The following TMEM176B variants were observed in gnomAD, a reference collection of about 807,000 sequenced individuals.
TMEM176B encodes the protein LR8-like protein.
In TMEM176B, 28 loss-of-function variants were observed where a neutral mutation model predicts 30.3. That is an observed-to-expected ratio of 0.92 (90% CI 0.68 to 1.27). The LOEUF (loss-of-function observed/expected upper bound fraction) is 1.27, where lower values mean the gene tolerates loss of function less well. Among genes scored for constraint, TMEM176B ranks in the 50% most tolerant of loss-of-function variants. The probability of loss-of-function intolerance (pLI) is 0.00; values close to 1 mark genes in which losing one functional copy is unlikely to be tolerated. For synonymous variants in TMEM176B, 123 were observed against 130.3 expected, an observed-to-expected ratio of 0.94 and a Z score of 0.38; for missense variants, 349 against 327.4, an observed-to-expected ratio of 1.07 and a Z score of -0.51.
At chr7:150,794,907 C>CCACA (rs3220239) in intron 2 of TMEM176B, among the ~76,000 whole-genome samples, 9,055 of 141,522 alleles carry the variant, frequency 0.064, 375 homozygotes, top group Admixed American at 0.12. Flanking sequence ...TCCCCTACTA[C>CCACA]CACACACACA....
At chr7:150,796,161 T>C (rs1033132436) in intron 2 of TMEM176B, among the ~76,000 whole-genome samples, 2 of 152,192 alleles carry the variant, frequency 1.3e-5, no homozygotes, top group Non-Finnish European at 2.9e-5. Context: ...AAGGGCAATA[T>C]GTAACATTTC....
intron 5 of TMEM176B, among the ~76,000 whole-genome samples, chr7:150,792,778 C>G (rs1054355625): frequency 3.3e-5 from 5 of 152,226 alleles, no homozygotes; most frequent in African/African-American, 1.2e-4. Context: ...TTTTAAGCCA[C>G]TACATTTTGG....
chr7:150,798,421 G>T (rs374418588), intron 1 of TMEM176B, among the ~76,000 whole-genome samples: 1 of 151,944 alleles, frequency 6.6e-6, no homozygotes, highest in Non-Finnish European at 1.5e-5. Context: ...AACTACAGGC[G>T]CCCGCCATCA....
In TMEM176B at chr7:150,793,997, C is replaced by T. The variant is rs774621749; in HGVS notation, c.279G>A (p.Leu93=). The stretch of plus-strand genomic sequence containing the variant: ...CCCAGAAGGCACAGCCTGAGGCACT[C>T]AGCACAGTCCAGGGCCCCAAGCTGA... ...VCLSLGPWTV[L]SASGCAFWAG... The change falls in exon 3 of 7, where the codon CTG becomes CTA. Residue 93 remains leucine, a synonymous_variant. Transcript: ENST00000326442. 4.3e-6 allele frequency: 7 copies of T among 1,613,630 alleles called. No individual in the cohort carries two copies. In the African/African-American group the frequency reaches 8.0e-5, roughly 18 times the overall value.
chr7:150,791,463 G>T lies in TMEM176B; in HGVS notation c.*68C>A. 2.9e-6 allele frequency: 4 copies of T among 1,363,560 alleles called. No individual in the cohort carries two copies. The South Asian group carries it at 4.8e-5, about 16-fold the overall frequency. The allele number at this position is 1,363,560 out of a possible 1,614,324, so 84.5% of individuals were successfully genotyped here. Reference sequence around the variant, plus strand: ...GCCATAGGGGAGGCAAGTGTGAGGAGCCAGGAGTGGGGGCCCTGGGCTGCC... The same window carrying T: ...GCCATAGGGGAGGCAAGTGTGAGGATCCAGGAGTGGGGGCCCTGGGCTGCC... On this transcript the variant is annotated 3_prime_UTR_variant, in exon 7 of 7. Coordinates refer to ENST00000326442, the MANE Select transcript of TMEM176B (RefSeq NM_001101312.2).
In TMEM176B at chr7:150,793,578, G is replaced by T. The variant is rs758505349; in HGVS notation, c.338C>A (p.Ala113Asp). The change falls in exon 4 of 7, where the codon GCC (alanine) becomes GAC (aspartate). Residue 113 changes from alanine (A) to aspartate (D), a missense_variant. By Grantham distance (126) the Ala-to-Asp change is moderately radical. Transcript: ENST00000326442. Reference protein sequence around the residue: ...GSVVIAAGAGAIVHEKHPGKL... With the variant: ...GSVVIAAGAGDIVHEKHPGKL... ...GCCCGGGTGCTTCTCATGGACAATG[G>T]CCCCAGCTCCTGCTGCGATCACCTG... is the stretch of plus-strand genomic sequence containing the variant. The T allele has an allele frequency of 6.2e-7, 1 of 1,613,554 alleles. No individual in the cohort carries two copies. The highest frequency in any genetic ancestry group is 8.5e-7 in the Non-Finnish European group (1 of 1,179,776).
intron 1 of TMEM176B, chr7:150,796,834 G>T (rs983568134): frequency 6.9e-5 from 27 of 392,010 alleles, no homozygotes; most frequent in Admixed American, 3.6e-4. Flanking sequence ...TGCACCTGTA[G>T]TCCCAGCTAC....
In TMEM176B at chr7:150,792,078, C is replaced by T. The variant is rs111423856; in HGVS notation, c.698G>A (p.Cys233Tyr). 3.1e-6 allele frequency: 5 copies of T among 1,613,890 alleles called. No homozygotes were observed. The African/African-American group carries it at 4.0e-5, about 13-fold the overall frequency. ...CACCAGGGGCTGGGAGCTCTGGCCA[C>T]ACAAGTTTCGAAGACCTACTCCCAA... ...VSLGVGLRNL[C>Y]GQSSQPLNEE... The change falls in exon 6 of 7, where the codon TGT becomes TAT. Residue 233 changes from cysteine (C) to tyrosine (Y), a missense_variant. Coordinates refer to ENST00000326442, the MANE Select transcript of TMEM176B (RefSeq NM_001101312.2).
At chr7:150,796,645 A>C in intron 1 of TMEM176B, 71 bp from the exon 2 acceptor site, 1 of 1,447,390 alleles carries the variant, frequency 6.9e-7, no homozygotes, top group Non-Finnish European at 9.6e-7. Flanking sequence ...GCACAGGTGA[A>C]AGGAGAGAAA....
chr7:150,800,813 G>A, upstream of TMEM176B: 3 of 604,842 alleles, frequency 5.0e-6, no homozygotes, highest in Non-Finnish European at 6.2e-6. Context: ...CCGCTCGCAG[G>A]TCCCGAGGAG....
chr7:150,793,937 G>A, intron 3 of TMEM176B, 24 bp downstream of exon 3: 1 of 1,557,806 alleles, frequency 6.4e-7, no homozygotes, highest in Non-Finnish European at 8.7e-7. Flanking sequence ...CTCCCTCCAG[G>A]CTCACAGCCT....
At position 150,793,528 on chromosome 7, in the gene TMEM176B, G is replaced by A. The variant is rs1416626100; in HGVS notation, c.372+16C>T. The A allele has an allele frequency of 1.1e-5, 17 of 1,612,436 alleles. No homozygotes were observed. The highest frequency in any genetic ancestry group is 1.4e-5 in the Non-Finnish European group (16 of 1,179,326). ...GGGTCAGTGAACAAGGTGGAGAGAG[G>A]GTGTCCAAGACTCACAGCAAGTTTG... On this transcript the variant is annotated intron_variant, in intron 4 of 6. Coordinates refer to ENST00000326442, the MANE Select transcript of TMEM176B (RefSeq NM_001101312.2).
Position 150,791,401 on chromosome 7 carries a change from G to C in TMEM176B, c.*130C>G, listed in dbSNP as rs935822409. 4.5e-6 allele frequency: 3 copies of C among 660,268 alleles called. No homozygotes were observed. The African/African-American group carries it at 5.4e-5, about 12-fold the overall frequency. The allele number at this position is 660,268 out of a possible 1,614,324, so 40.9% of individuals were successfully genotyped here. On this transcript the variant is annotated 3_prime_UTR_variant, in exon 7 of 7. Transcript: ENST00000326442. The stretch of plus-strand genomic sequence containing the variant: ...CCCCAGAGTGGGAACAGCAGGTGCG[G>C]ATGTGGGGAGAAGAAAGGAGGAGGG...
At position 150,798,342 on chromosome 7, in the gene TMEM176B, C is replaced by T. The variant is rs541956206; in HGVS notation, c.-5-1768G>A. 1.4e-4 allele frequency among the ~76,000 whole-genome samples: 21 copies of T among 152,206 alleles called. No homozygotes were observed. In the South Asian group the frequency reaches 3.5e-3, roughly 26 times the overall value. On this transcript the variant is annotated intron_variant, in intron 1 of 6. Coordinates refer to ENST00000326442, the MANE Select transcript of TMEM176B (RefSeq NM_001101312.2). Reference sequence around the variant, plus strand: ...CGCTCTGTCGCCCAGGCTAGGGTGGCGCGATCTCGGCTCACTGCCAGCTCC... The same window carrying T: ...CGCTCTGTCGCCCAGGCTAGGGTGGTGCGATCTCGGCTCACTGCCAGCTCC...
intron 1 of TMEM176B, among the ~76,000 whole-genome samples, chr7:150,799,010 C>G (rs747080380): frequency 2.6e-5 from 4 of 152,094 alleles, no homozygotes; most frequent in Non-Finnish European, 5.9e-5. Flanking sequence ...AGGACTTCCC[C>G]GTTTCGAGAT....
At chr7:150,798,588 T>TAG (rs35882844) in intron 1 of TMEM176B, among the ~76,000 whole-genome samples, 33,718 of 151,820 alleles carry the variant, frequency 0.22, 3,908 homozygotes, top group East Asian at 0.32. Context: ...TCTCTTTTTT[T>TAG]AGAGAGAGAG....
intron 5 of TMEM176B, 41 bp downstream of exon 5, chr7:150,793,047 A>G (rs1340389201): frequency 1.2e-6 from 2 of 1,602,370 alleles, no homozygotes; most frequent in Non-Finnish European, 8.5e-7. Flanking sequence ...GGGAAAAAAG[A>G]GCTGTGATGG....
intron 4 of TMEM176B, 66 bp downstream of exon 4, chr7:150,793,478 A>G (rs1354846299): frequency 2.5e-6 from 4 of 1,585,696 alleles, no homozygotes; most frequent in Non-Finnish European, 3.4e-6. Context: ...GGCAGAAGAC[A>G]GATAATGGAG....
chr7:150,801,117 C>A, upstream of TMEM176B: 1 of 417,500 alleles, frequency 2.4e-6, no homozygotes, highest in Non-Finnish European at 3.2e-6. Context: ...GCAGCCGGGG[C>A]GCAGCTGCTG....
Sources: allele counts gnomAD v4.1 joint callset (sites outside exome capture counted in the v4.1 genomes callset), GRCh38; gene constraint gnomAD v4.1.1; transcripts MANE v1.5; gene names NCBI Gene and HGNC (gene_info 2026-07-23, HGNC 2026-07-21).